Variants in DAAM1 observed in about 807,000 individuals in gnomAD.
DAAM1 encodes dishevelled associated activator of morphogenesis 1.
DAAM1 carries 52 observed loss-of-function variants against 130.0 expected under a neutral mutation model. That is an observed-to-expected ratio of 0.40 (90% CI 0.32 to 0.50). The LOEUF is 0.50. Ranked by LOEUF, DAAM1 falls within the 20% of genes least tolerant of loss-of-function variation. The probability of loss-of-function intolerance (pLI) is 0.61; values close to 1 mark genes in which losing one functional copy is unlikely to be tolerated. For synonymous variants in DAAM1, 452 were observed against 444.5 expected (o/e 1.02, Z -0.21); for missense variants, 1,134 against 1,303.8 (o/e 0.87, Z 2.01).
intron 16 of DAAM1, among the ~76,000 whole-genome samples, chr14:59,343,919 C>T (rs759107809): frequency 2.0e-5 from 3 of 152,182 alleles, no homozygotes; most frequent in Admixed American, 6.5e-5. Flanking sequence ...AGAATGGGCA[C>T]GTCTTAGAGA....
At chr14:59,354,644 TA>T (rs1201176228) in intron 19 of DAAM1, among the ~76,000 whole-genome samples, 1 of 152,200 alleles carries the variant, frequency 6.6e-6, no homozygotes, top group Non-Finnish European at 1.5e-5. Context: ...TTAAAATTTG[TA>T]AATGTTTGAA....
chr14:59,352,829 G>A (rs1187137073), intron 18 of DAAM1, among the ~76,000 whole-genome samples, 197 bp downstream of exon 18: 1 of 152,098 alleles, frequency 6.6e-6, no homozygotes, highest in African/African-American at 2.4e-5. Flanking sequence ...ATGAGCCACG[G>A]TGAGGGTTTT....
rs1355975423 is a variant in DAAM1 at position 59,323,544 on chromosome 14, A to G, written c.774+319A>G. 2.0e-5 allele frequency among the ~76,000 whole-genome samples: 3 copies of G among 152,212 alleles called. No homozygotes were observed. The East Asian group carries it at 5.8e-4, about 29-fold the overall frequency. ...AAATTTTACAGCTTGCCATTCTTGA[A>G]TTAGGATCAATATTAATAATTTTTC... On this transcript the variant is annotated intron_variant, in intron 6 of 24. Coordinates refer to ENST00000360909, the MANE Select transcript of DAAM1 (RefSeq NM_001270520.2).
intron 1 of DAAM1, among the ~76,000 whole-genome samples, chr14:59,251,148 T>G (rs1050904053): frequency 6.6e-6 from 1 of 152,194 alleles, no homozygotes; most frequent in African/African-American, 2.4e-5. Flanking sequence ...AGACACATGA[T>G]TCTCTATTAC....
intron 16 of DAAM1, 96 bp downstream of exon 16, chr14:59,340,276 T>C: frequency 8.8e-7 from 1 of 1,141,592 alleles, no homozygotes; most frequent in East Asian, 2.5e-5. Flanking sequence ...AATTGTACTC[T>C]GCTGAGGTAC....
At chr14:59,240,279 T>C (rs1171732042) in intron 1 of DAAM1, among the ~76,000 whole-genome samples, 1 of 152,152 alleles carries the variant, frequency 6.6e-6, no homozygotes, top group Non-Finnish European at 1.5e-5. Flanking sequence ...CTATGATATC[T>C]TCCTATCACG....
In DAAM1 at chr14:59,324,171, A is replaced by G; in HGVS notation, c.818A>G (p.Asp273Gly). 6.9e-7 allele frequency: 1 copy of G among 1,458,918 alleles called. No homozygotes were observed. Among genetic ancestry groups the G allele is most frequent in the South Asian group, 1.7e-5 (1 of 58,762 alleles). The allele number at this position is 1,458,918 out of a possible 1,614,324, so 90.4% of individuals were successfully genotyped here. A position where few individuals can be genotyped will look rare whatever the true frequency, so the allele number is the denominator to read the frequency against. Residue 273 changes from aspartate (D) to glycine (G), a missense_variant, in exon 7 of 25, where the codon GAT becomes GGT. Physicochemically the swap from Asp to Gly is moderately conservative, Grantham distance 94. This residue lies in a region of DAAM1 where 391 missense variants were observed against 521.6 expected (regional missense o/e 0.75). Coordinates refer to ENST00000360909, the MANE Select transcript of DAAM1 (RefSeq NM_001270520.2). ...DLDKSTGRYR[D>G]EVSLKTAIMS... The stretch of plus-strand genomic sequence containing the variant: ...GATAAAAGCACTGGGCGGTATCGAG[A>G]TGAAGTGAGTCTCAAGACTGCCATC...
intron 3 of DAAM1, among the ~76,000 whole-genome samples, chr14:59,307,277 A>G (rs973349625): frequency 1.3e-5 from 2 of 152,212 alleles, no homozygotes; most frequent in African/African-American, 2.4e-5. Context: ...GTCTGATACA[A>G]TTGACTGTTG....
At position 59,369,090 on chromosome 14, in the gene DAAM1, G is replaced by A. The variant is rs567216819; in HGVS notation, c.*231G>A. On this transcript the variant is annotated 3_prime_UTR_variant, in exon 25 of 25. Transcript: ENST00000360909. ...TATGGTTAAAAAGATTTATGTTAAT[G>A]TATGTGCTCCAAAACCTTTCGTGTA... is the stretch of plus-strand genomic sequence containing the variant. 1.5e-5 allele frequency: 7 copies of A among 463,828 alleles called. No individual in the cohort carries two copies. Among genetic ancestry groups the A allele is most frequent in the African/African-American group, 1.2e-4 (6 of 50,238 alleles). The allele number at this position is 463,828 out of a possible 1,614,324, so 28.7% of individuals were successfully genotyped here.
chr14:59,362,887 C>T (rs1011364833), intron 22 of DAAM1: 8 of 152,204 alleles, frequency 5.3e-5, no homozygotes, highest in Admixed American at 5.2e-4. Context: ...CTGGTCAGCA[C>T]TACTTCAGGG....
At chr14:59,363,006 A>G (rs1386982837) in intron 22 of DAAM1, 2 of 152,352 alleles carry the variant, frequency 1.3e-5, no homozygotes, top group African/African-American at 2.4e-5. Flanking sequence ...GCATCTGGCA[A>G]TGATTAAATT....
At chr14:59,202,458 A>G (rs914424872) in intron 1 of DAAM1, among the ~76,000 whole-genome samples, 2 of 152,240 alleles carry the variant, frequency 1.3e-5, no homozygotes, top group Admixed American at 6.5e-5. Flanking sequence ...TTGGCATTTT[A>G]TGGACTATCC....
intron 22 of DAAM1, 50 bp downstream of exon 22, chr14:59,360,912 T>A: frequency 6.4e-7 from 1 of 1,556,272 alleles, no homozygotes; most frequent in Non-Finnish European, 8.8e-7. Flanking sequence ...TCACTATCTC[T>A]AGTGCTGGTG....
At chr14:59,282,262 A>G (rs943256944) in intron 2 of DAAM1, among the ~76,000 whole-genome samples, 2 of 152,068 alleles carry the variant, frequency 1.3e-5, no homozygotes, top group Non-Finnish European at 2.9e-5. Context: ...TAGTGTGACT[A>G]TTTGATTTCC....
chr14:59,343,529 A>C lies in DAAM1; in HGVS notation c.2075+3349A>C, dbSNP rs188369097. 3.3e-5 allele frequency among the ~76,000 whole-genome samples: 5 copies of C among 152,318 alleles called. No individual in the cohort carries two copies. In the East Asian group the frequency reaches 9.7e-4, roughly 29 times the overall value. The stretch of plus-strand genomic sequence containing the variant: ...TTTCTTATCTTGCTGTCTAGGATTT[A>C]TCTCCTGGCAATGCCATCATTACAC... On this transcript the variant is annotated intron_variant, in intron 16 of 24. Coordinates refer to ENST00000360909, the MANE Select transcript of DAAM1 (RefSeq NM_001270520.2).
chr14:59,224,295 C>G (rs1250858018), intron 1 of DAAM1, among the ~76,000 whole-genome samples: 1 of 152,178 alleles, frequency 6.6e-6, no homozygotes, highest in Non-Finnish European at 1.5e-5. Flanking sequence ...TTTCCAAGAT[C>G]CATTTGTCTT....
chr14:59,281,126 G>A (rs1479221102), intron 2 of DAAM1, among the ~76,000 whole-genome samples: 2 of 152,144 alleles, frequency 1.3e-5, no homozygotes, highest in Non-Finnish European at 2.9e-5. Flanking sequence ...GCTATGGAAC[G>A]TTCACCTCTA....
chr14:59,196,835 A>C (rs749330685), intron 1 of DAAM1, among the ~76,000 whole-genome samples: 17 of 152,248 alleles, frequency 1.1e-4, no homozygotes, highest in Non-Finnish European at 2.1e-4. Flanking sequence ...AACTGAAGAA[A>C]CTTGCTGCAT....
rs1167971356 is a variant in DAAM1, at chr14:59,342,521, A to T, written c.2075+2341A>T. ...TTGTTGGCAATTTATTACTATGCAC[A>T]AAAGGAGCTGGGGACATAAAAGGAG... is the stretch of plus-strand genomic sequence containing the variant. On this transcript the variant is annotated intron_variant, in intron 16 of 24. Transcript: ENST00000360909. Among the ~76,000 whole-genome samples, 3 of 152,216 alleles carry T rather than the reference A, an allele frequency of 2.0e-5. No homozygotes were observed. In the East Asian group the frequency reaches 5.8e-4, roughly 29 times the overall value.
Sources: gnomAD v4.1 joint callset for allele counts (sites outside exome capture counted in the v4.1 genomes callset) on GRCh38, gnomAD v4.1.1 for gene constraint, gnomAD v4.1.1 regional missense constraint, MANE v1.5 for transcripts, NCBI Gene and HGNC (gene_info 2026-07-23, HGNC 2026-07-21) for gene names.